The following GSE1 variants were observed in gnomAD, a reference collection of about 807,000 sequenced individuals.
The protein encoded by GSE1 is Gse1 coiled-coil protein.
In GSE1, 32 loss-of-function variants were observed where a neutral mutation model predicts 112.6. The observed-to-expected ratio is 0.28, with a 90% CI of 0.21 to 0.38. The LOEUF (loss-of-function observed/expected upper bound fraction) is 0.38. Ranked by LOEUF, GSE1 falls within the 10% of genes least tolerant of loss-of-function variation. GSE1 has a pLI of 1.00. For synonymous variants in GSE1, 1,115 were observed against 735.6 expected (o/e 1.52, Z -8.35); for missense variants, 2,348 against 1,699.2 (o/e 1.38, Z -6.71).
At chr16:85,542,849 C>T (rs1281193050) in intron 2 of GSE1, among the ~76,000 whole-genome samples, 1 of 152,216 alleles carries the variant, frequency 6.6e-6, no homozygotes, top group Non-Finnish European at 1.5e-5. Context: ...GCAGCAGCTG[C>T]TGCAATACAG....
intron 2 of GSE1, among the ~76,000 whole-genome samples, chr16:85,482,167 T>C (rs2050700328): frequency 6.6e-6 from 1 of 152,214 alleles, no homozygotes; most frequent in Non-Finnish European, 1.5e-5. Flanking sequence ...CTCCAGGTGA[T>C]GCCCAGTGCT....
intron 2 of GSE1, among the ~76,000 whole-genome samples, chr16:85,454,930 G>A (rs1246418812): frequency 6.6e-6 from 1 of 152,198 alleles, no homozygotes; most frequent in African/African-American, 2.4e-5. Context: ...AAGGTCGCCT[G>A]CCCAGGTGCG....
chr16:85,308,191 C>G (rs968756505), intron 1 of GSE1, among the ~76,000 whole-genome samples: 4 of 152,132 alleles, frequency 2.6e-5, no homozygotes, highest in Non-Finnish European at 5.9e-5. Context: ...CTTTGAATTC[C>G]AAAGAGACAT....
intron 1 of GSE1, among the ~76,000 whole-genome samples, chr16:85,621,979 C>T (rs1000960949): frequency 2.0e-5 from 3 of 152,220 alleles, no homozygotes; most frequent in African/African-American, 7.2e-5. Context: ...AGACTGCCAG[C>T]TCCCAACAGC....
intron 1 of GSE1, among the ~76,000 whole-genome samples, chr16:85,227,028 C>A (rs563235469): frequency 6.6e-6 from 1 of 151,070 alleles, no homozygotes; most frequent in South Asian, 2.1e-4. Flanking sequence ...CATTCACCCA[C>A]CCACCCATTT....
intron 13 of GSE1, among the ~76,000 whole-genome samples, chr16:85,667,738 A>C (rs2052988202): frequency 6.6e-6 from 1 of 152,216 alleles, no homozygotes; most frequent in South Asian, 2.1e-4. Context: ...ACATGCGTGT[A>C]ATTCCAGCCA....
intron 1 of GSE1, among the ~76,000 whole-genome samples, chr16:85,333,502 C>A (rs946266946): frequency 1.3e-5 from 2 of 152,254 alleles, no homozygotes; most frequent in Admixed American, 6.5e-5. Context: ...GCCCACCTCA[C>A]CCCCTTAGGG....
intron 10 of GSE1, 69 bp downstream of exon 10, chr16:85,663,162 G>A: frequency 4.7e-6 from 6 of 1,269,056 alleles, no homozygotes; most frequent in Non-Finnish European, 5.7e-6. Flanking sequence ...ACACCCTGCA[G>A]TCCACCCCAC....
chr16:85,404,215 A>G (rs1197552852), intron 2 of GSE1, among the ~76,000 whole-genome samples: 3 of 79,786 alleles, frequency 3.8e-5, no homozygotes, highest in African/African-American at 5.6e-5. Flanking sequence ...GATAATCCTC[A>G]CCGTTACACT....
intron 2 of GSE1, among the ~76,000 whole-genome samples, chr16:85,482,977 C>CAAAAAAAAAAAAAAAAAAAAAAA (rs3054201): frequency 1.0e-4 from 5 of 48,270 alleles, no homozygotes; most frequent in African/African-American, 2.8e-4. Context: ...GACTCCGTCT[C>CAAAAAAAAAAAAAAAAAAAAAAA]AAAAAAAAAA....
chr16:85,608,797 C>G (rs2047830781), upstream of GSE1, among the ~76,000 whole-genome samples: 1 of 152,220 alleles, frequency 6.6e-6, no homozygotes, highest in Non-Finnish European at 1.5e-5. Context: ...CACAGGTGAT[C>G]TTTACCTCCT....
chr16:85,328,874 C>T (rs2046280857), intron 1 of GSE1, among the ~76,000 whole-genome samples: 1 of 152,202 alleles, frequency 6.6e-6, no homozygotes, highest in African/African-American at 2.4e-5. Flanking sequence ...CCACCCAGAC[C>T]TTCCAGCTGC....
intron 1 of GSE1, among the ~76,000 whole-genome samples, chr16:85,576,528 G>T (rs867456631): frequency 1.3e-5 from 2 of 152,090 alleles, no homozygotes; most frequent in African/African-American, 4.8e-5. Context: ...CATCTGGGCC[G>T]CATGTCTTCC....
chr16:85,353,196 A>G (rs534145234), intron 1 of GSE1, among the ~76,000 whole-genome samples: 3 of 152,304 alleles, frequency 2.0e-5, no homozygotes, highest in African/African-American at 7.2e-5. Context: ...TTTGTTGGCC[A>G]GGACGCAGTC....
intron 2 of GSE1, among the ~76,000 whole-genome samples, chr16:85,362,799 T>C (rs1308399135): frequency 6.6e-6 from 1 of 151,522 alleles, no homozygotes; most frequent in Non-Finnish European, 1.5e-5. Context: ...CTTCCTGAGC[T>C]GTGAAACCGT....
intron 1 of GSE1, among the ~76,000 whole-genome samples, chr16:85,567,230 C>T (rs1278705626): frequency 6.6e-6 from 1 of 152,098 alleles, no homozygotes; most frequent in Non-Finnish European, 1.5e-5. Context: ...GGTGGGTCTG[C>T]AGGGGACCAG....
At chr16:85,614,384 A>C (rs1366297062) in intron 1 of GSE1, among the ~76,000 whole-genome samples, 1 of 151,356 alleles carries the variant, frequency 6.6e-6, no homozygotes. Context: ...GCGGGAGTGG[A>C]GCTCACCCTC....
intron 2 of GSE1, among the ~76,000 whole-genome samples, chr16:85,638,558 A>G (rs933753373): frequency 6.6e-6 from 1 of 151,972 alleles, no homozygotes; most frequent in Non-Finnish European, 1.5e-5. Flanking sequence ...GCAGGTCTCT[A>G]CCTCATGAAT....
At chr16:85,397,364 A>T (rs1282875653) in intron 2 of GSE1, among the ~76,000 whole-genome samples, 1 of 152,238 alleles carries the variant, frequency 6.6e-6, no homozygotes, top group Non-Finnish European at 1.5e-5. Context: ...CTACTCGCTG[A>T]TGCAGGTGCT....
Sources: allele counts gnomAD v4.1 joint callset (sites outside exome capture counted in the v4.1 genomes callset), GRCh38; gene constraint gnomAD v4.1.1; transcripts MANE v1.5; gene names NCBI Gene and HGNC (gene_info 2026-07-23, HGNC 2026-07-21).